PRKCH: variants seen among roughly 807,000 people sequenced by gnomAD.
PRKCH encodes protein kinase C eta type.
Under a neutral mutation model 82.5 loss-of-function variants are expected in PRKCH, and 28 were observed. The observed-to-expected ratio is 0.34, with a 90% CI of 0.25 to 0.47. PRKCH has a LOEUF of 0.47. Ranked by LOEUF, PRKCH falls within the 20% of genes least tolerant of loss-of-function variation. PRKCH has a pLI of 1.00. For missense variants in PRKCH, 705 were observed against 881.8 expected, an observed-to-expected ratio of 0.80 and a Z score of 2.54; for synonymous variants, 322 against 327.4, an observed-to-expected ratio of 0.98 and a Z score of 0.18.
At chr14:61,542,011 C>T (rs903984914) in intron 12 of PRKCH, among the ~76,000 whole-genome samples, 5 of 152,126 alleles carry the variant, frequency 3.3e-5, no homozygotes, top group African/African-American at 1.2e-4. Context: ...GTTTGTAGGC[C>T]GGGCGTGGTG....
intron 10 of PRKCH, among the ~76,000 whole-genome samples, chr14:61,500,122 C>T (rs760623452): frequency 4.0e-5 from 6 of 150,842 alleles, no homozygotes; most frequent in African/African-American, 7.3e-5. Flanking sequence ...TCTTCTCTTA[C>T]GAAATCAGAA....
intron 1 of PRKCH, among the ~76,000 whole-genome samples, chr14:61,301,385 T>C (rs528800779): frequency 7.5e-4 from 115 of 152,394 alleles, no homozygotes; most frequent in African/African-American, 2.7e-3. Context: ...TTGTAGGATA[T>C]GTTTTGCATT....
chr14:61,521,065 T>C (rs911560856), intron 10 of PRKCH, among the ~76,000 whole-genome samples: 2 of 152,226 alleles, frequency 1.3e-5, no homozygotes, highest in Non-Finnish European at 2.9e-5. Flanking sequence ...GCCAGAGGCA[T>C]AGGAGATATA....
At chr14:61,214,617 A>T (rs1380868303) in intron 1 of PRKCH, among the ~76,000 whole-genome samples, 1 of 152,082 alleles carries the variant, frequency 6.6e-6, no homozygotes, top group African/African-American at 2.4e-5. Flanking sequence ...GTACCTGGTG[A>T]GGACTCTTCC....
intron 9 of PRKCH, among the ~76,000 whole-genome samples, chr14:61,467,491 G>C (rs1885312794): frequency 6.6e-6 from 1 of 152,250 alleles, no homozygotes; most frequent in African/African-American, 2.4e-5. Flanking sequence ...ATGTGGGGAG[G>C]AGAAGGCATG....
chr14:61,338,918 C>G (rs1307280774), intron 1 of PRKCH, among the ~76,000 whole-genome samples: 1 of 152,042 alleles, frequency 6.6e-6, no homozygotes. Flanking sequence ...AAAATTGTGC[C>G]TGTCAAGATA....
At chr14:61,366,594 G>C (rs1403097686) in intron 1 of PRKCH, among the ~76,000 whole-genome samples, 1 of 152,062 alleles carries the variant, frequency 6.6e-6, no homozygotes, top group African/African-American at 2.4e-5. Flanking sequence ...AGAGTTCACA[G>C]GTTTCCTGTG....
chr14:61,393,206 C>A (rs115030520), intron 2 of PRKCH, among the ~76,000 whole-genome samples: 101 of 152,296 alleles, frequency 6.6e-4, no homozygotes, highest in African/African-American at 2.4e-3. Context: ...AGCCCTCCAA[C>A]TCCGTTCTTT....
Position 61,280,567 on chromosome 14 carries a change from G to T in PRKCH, c.-19+92899G>T. 6.2e-7 allele frequency: 1 copy of T among 1,604,744 alleles called. No individual in the cohort carries two copies. On this transcript the variant is annotated intron_variant, in intron 1 of 3. Coordinates refer to the PRKCH transcript ENST00000555185. This position sits in a 1 kb window ranked among gnomAD's most constrained non-coding sequence, Gnocchi z 5.0. Reference sequence around the variant, plus strand: ...GTAGTCGGTCCACCAGGCGATGCCGGAGCGGTCGAGCGGCACCTCGACGTA... The same window carrying T: ...GTAGTCGGTCCACCAGGCGATGCCGTAGCGGTCGAGCGGCACCTCGACGTA...
intron 1 of PRKCH, among the ~76,000 whole-genome samples, chr14:61,265,089 C>G (rs2045085778): frequency 6.6e-6 from 1 of 152,162 alleles, no homozygotes; most frequent in East Asian, 1.9e-4. Context: ...AAATCCAAAA[C>G]AATCCTCAAC....
intron 12 of PRKCH, among the ~76,000 whole-genome samples, chr14:61,540,364 C>G (rs1218299169): frequency 6.6e-6 from 1 of 152,178 alleles, no homozygotes; most frequent in East Asian, 1.9e-4. Flanking sequence ...TGTAATGATT[C>G]TCCTCACCTG....
intron 1 of PRKCH, chr14:61,279,977 C>CA (rs1225923175): frequency 2.2e-6 from 2 of 924,246 alleles, no homozygotes; most frequent in African/African-American, 3.4e-5. Flanking sequence ...CCCTCATTCA[C>CA]AAAGGGAGGA....
chr14:61,443,315 C>T (rs1265334436), intron 3 of PRKCH, 54 bp downstream of exon 3: 19 of 1,547,746 alleles, frequency 1.2e-5, no homozygotes, highest in Non-Finnish European at 1.6e-5. Flanking sequence ...AATAGGCTTC[C>T]TCTGGTTATG....
At chr14:61,206,959 A>C (rs901518556) in intron 1 of PRKCH, among the ~76,000 whole-genome samples, 2 of 151,826 alleles carry the variant, frequency 1.3e-5, no homozygotes, top group Non-Finnish European at 2.9e-5. Flanking sequence ...ATACAAAATT[A>C]GCCAGACGTG....
intron 1 of PRKCH, among the ~76,000 whole-genome samples, chr14:61,215,961 A>G (rs2044613084): frequency 6.6e-6 from 1 of 152,170 alleles, no homozygotes; most frequent in Non-Finnish European, 1.5e-5. Context: ...ATCCAGGAGA[A>G]CAACAAGGGC....
chr14:61,365,197 A>G (rs993556136), intron 1 of PRKCH, among the ~76,000 whole-genome samples: 1 of 152,088 alleles, frequency 6.6e-6, no homozygotes, highest in African/African-American at 2.4e-5. Context: ...AACACAGTAG[A>G]TAGGTGTGTG....
chr14:61,534,292 G>C (rs2043079619), intron 12 of PRKCH, among the ~76,000 whole-genome samples: 1 of 152,212 alleles, frequency 6.6e-6, no homozygotes, highest in African/African-American at 2.4e-5. Flanking sequence ...ACGTACAATA[G>C]CCCGAAGGTG....
At chr14:61,315,843 G>C (rs1435703152) in intron 1 of PRKCH, among the ~76,000 whole-genome samples, 2 of 151,512 alleles carry the variant, frequency 1.3e-5, no homozygotes, top group African/African-American at 2.4e-5. Context: ...TGCCTCCTGG[G>C]TTCCAGCTAC....
chr14:61,340,523 C>G (rs1299611873), intron 1 of PRKCH, among the ~76,000 whole-genome samples: 1 of 152,200 alleles, frequency 6.6e-6, no homozygotes, highest in East Asian at 1.9e-4. Context: ...GTCTTCCCCC[C>G]TGAGCCCAAC....
Sources: allele counts gnomAD v4.1 joint callset (sites outside exome capture counted in the v4.1 genomes callset), GRCh38; gene constraint gnomAD v4.1.1; non-coding constraint Gnocchi (gnomAD v3.1); transcripts MANE v1.5; gene names NCBI Gene and HGNC (gene_info 2026-07-23, HGNC 2026-07-21).